Variants in LINGO2 observed in about 807,000 individuals in gnomAD.
LINGO2 encodes leucine rich repeat and Ig domain containing 2, also known as leucine-rich repeat and immunoglobulin-like domain-containing nogo receptor-interacting protein 2.
A neutral mutation model predicts 30.6 loss-of-function variants in LINGO2; 14 were observed. The observed-to-expected ratio is 0.46, with a 90% confidence interval of 0.30 to 0.72. The LOEUF (loss-of-function observed/expected upper bound fraction) is 0.72, where lower values mean the gene tolerates loss of function less well. Ranked by LOEUF, LINGO2 falls within the 30% of genes least tolerant of loss-of-function variation. The probability of loss-of-function intolerance (pLI) is 0.07; values close to 1 mark genes in which losing one functional copy is unlikely to be tolerated. For synonymous variants in LINGO2, 317 were observed against 288.5 expected, an observed-to-expected ratio of 1.10 and a Z score of -1.00; for missense variants, 729 against 751.7, an observed-to-expected ratio of 0.97 and a Z score of 0.35.
the LINGO2 span, among the ~76,000 whole-genome samples, chr9:28,990,455 A>G: frequency 1.3e-5 from 2 of 152,166 alleles, no homozygotes; most frequent in Non-Finnish European, 2.9e-5. Context: ...GGCAGCAGTA[A>G]CCTCTGCAGA....
At chr9:29,030,456 C>T in the LINGO2 span, among the ~76,000 whole-genome samples, 257 of 152,248 alleles carry the variant, frequency 1.7e-3, 2 homozygotes, top group Non-Finnish European at 2.4e-4. Flanking sequence ...TTCCATGATT[C>T]TCTCCAGAGT....
At chr9:28,163,183 G>T (rs1828334951) in intron 4 of LINGO2, among the ~76,000 whole-genome samples, 1 of 152,070 alleles carries the variant, frequency 6.6e-6, no homozygotes, top group Admixed American at 6.6e-5. Flanking sequence ...GAAAACAATT[G>T]TATAAGTCAA....
At chr9:28,993,797 G>T in the LINGO2 span, among the ~76,000 whole-genome samples, 1 of 151,938 alleles carries the variant, frequency 6.6e-6, no homozygotes, top group Non-Finnish European at 1.5e-5. Context: ...TGCAAAAAAG[G>T]CCTTGGAGAA....
At chr9:28,729,311 T>C in the LINGO2 span, among the ~76,000 whole-genome samples, 1 of 152,192 alleles carries the variant, frequency 6.6e-6, no homozygotes, top group South Asian at 2.1e-4. Context: ...TTTATACATG[T>C]ACTCAGAACC....
At position 28,108,841 on chromosome 9, in the gene LINGO2, T is replaced by A. The variant is rs113143388; in HGVS notation, c.-86-96436A>T. Among the ~76,000 whole-genome samples the A allele has an allele frequency of 6.0e-3, 913 of 152,170 alleles. 14 individuals are homozygous for A. Among genetic ancestry groups the A allele is most frequent in the African/African-American group, 0.021 (866 of 41,530 alleles). ...ATGTTTTGTAGATGAGGAAACTCAGTCTCAGAAAGGTATAACAATGTGCTG... is the reference window on the plus strand; with the variant it reads ...ATGTTTTGTAGATGAGGAAACTCAGACTCAGAAAGGTATAACAATGTGCTG... On this transcript the variant is annotated intron_variant, in intron 4 of 5. Coordinates refer to ENST00000379992, the Ensembl canonical transcript of LINGO2.
At chr9:28,387,695 C>G (rs918913657) in intron 2 of LINGO2, among the ~76,000 whole-genome samples, 15 of 152,190 alleles carry the variant, frequency 9.9e-5, no homozygotes, top group Non-Finnish European at 1.9e-4. Flanking sequence ...GTAACACTCA[C>G]TGCGAAGGTT....
chr9:28,746,551 T>C, the LINGO2 span, among the ~76,000 whole-genome samples: 1 of 152,056 alleles, frequency 6.6e-6, no homozygotes, highest in East Asian at 1.9e-4. Context: ...AGAAAGACAA[T>C]CTCAGCTTTT....
chr9:28,012,418 A>AC (rs1165670277), intron 4 of LINGO2: 1 of 151,982 alleles, frequency 6.6e-6, no homozygotes. Context: ...CAAGGATAAA[A>AC]AAAAAAAAAA....
At chr9:28,053,063 G>T (rs1471462353) in intron 4 of LINGO2, among the ~76,000 whole-genome samples, 4 of 152,078 alleles carry the variant, frequency 2.6e-5, no homozygotes, top group African/African-American at 9.7e-5. Context: ...GTAATACAAA[G>T]CAGTAAACAG....
intron 4 of LINGO2, among the ~76,000 whole-genome samples, chr9:28,040,300 G>A (rs1294212360): frequency 3.3e-5 from 5 of 152,064 alleles, no homozygotes; most frequent in East Asian, 1.9e-4. Context: ...GTGTTTGACC[G>A]GGAAGCCTTC....
chr9:29,052,271 G>C, the LINGO2 span, among the ~76,000 whole-genome samples: 1 of 152,012 alleles, frequency 6.6e-6, no homozygotes, highest in Non-Finnish European at 1.5e-5. Context: ...TAGCAACCAA[G>C]ACCAATAATT....
At chr9:28,367,725 T>C (rs1408312888) in intron 3 of LINGO2, among the ~76,000 whole-genome samples, 1 of 152,150 alleles carries the variant, frequency 6.6e-6, no homozygotes. Flanking sequence ...GGTAGCATCA[T>C]AAAAGTTGTT....
the LINGO2 span, among the ~76,000 whole-genome samples, chr9:28,705,811 A>C: frequency 2.0e-5 from 3 of 152,126 alleles, no homozygotes; most frequent in African/African-American, 7.2e-5. Flanking sequence ...ATTCCAGTGG[A>C]GCATTCTGCT....
intron 5 of LINGO2, among the ~76,000 whole-genome samples, chr9:28,004,326 T>C (rs1157841253): frequency 6.6e-6 from 1 of 152,210 alleles, no homozygotes; most frequent in Non-Finnish European, 1.5e-5. Flanking sequence ...AGTAGCCTGT[T>C]AGTTCATTAA....
the LINGO2 span, among the ~76,000 whole-genome samples, chr9:29,062,996 T>A: frequency 6.6e-6 from 1 of 152,120 alleles, no homozygotes; most frequent in African/African-American, 2.4e-5. Context: ...CTACTGGACA[T>A]CCTATATATC....
chr9:28,666,080 C>T (rs371898168), intron 1 of LINGO2, among the ~76,000 whole-genome samples: 4 of 151,784 alleles, frequency 2.6e-5, no homozygotes, highest in East Asian at 1.9e-4. Context: ...TTAGTAGAGA[C>T]GGGGTTTCAC....
At chr9:28,657,114 C>T (rs1397864956) in intron 1 of LINGO2, among the ~76,000 whole-genome samples, 8 of 149,414 alleles carry the variant, frequency 5.4e-5, no homozygotes, top group Non-Finnish European at 1.2e-4. Context: ...GATTCTTGAC[C>T]CACCAAAAAA....
At chr9:28,064,923 G>A (rs1353552706) in intron 4 of LINGO2, among the ~76,000 whole-genome samples, 1 of 151,292 alleles carries the variant, frequency 6.6e-6, no homozygotes, top group East Asian at 1.9e-4. Flanking sequence ...TGAAAACACA[G>A]GGTTCTGTGA....
chr9:28,276,309 C>T (rs1024353307), intron 4 of LINGO2, among the ~76,000 whole-genome samples: 4 of 152,114 alleles, frequency 2.6e-5, no homozygotes, highest in Non-Finnish European at 4.4e-5. Flanking sequence ...CCATATGGAC[C>T]ACACATATTT....
Sources: gnomAD v4.1 joint callset for allele counts (sites outside exome capture counted in the v4.1 genomes callset) on GRCh38, gnomAD v4.1.1 for gene constraint, MANE v1.5 for transcripts, NCBI Gene and HGNC (gene_info 2026-07-23, HGNC 2026-07-21) for gene names.